The following ST8SIA2 variants were observed in gnomAD, a reference collection of about 807,000 sequenced individuals.
ST8SIA2 encodes the protein alpha-2,8-sialyltransferase 8B.
Under a neutral mutation model 37.6 loss-of-function variants are expected in ST8SIA2, and 22 were observed. That is an observed-to-expected ratio of 0.58 (90% CI 0.42 to 0.83). ST8SIA2 has a LOEUF of 0.83. Ranked by LOEUF, ST8SIA2 falls within the 40% of genes least tolerant of loss-of-function variation. The pLI is 0.00. For synonymous variants in ST8SIA2, 205 were observed against 201.2 expected (o/e 1.02, Z -0.16); for missense variants, 382 against 484.7 (o/e 0.79, Z 1.99).
chr15:92,459,118 T>G (rs2049940334), intron 5 of ST8SIA2, among the ~76,000 whole-genome samples: 1 of 152,188 alleles, frequency 6.6e-6, no homozygotes, highest in African/African-American at 2.4e-5. Context: ...CTGATTCGAT[T>G]CCTCTCTCCC....
intron 1 of ST8SIA2, among the ~76,000 whole-genome samples, chr15:92,406,334 G>C (rs1234646261): frequency 6.6e-6 from 1 of 152,212 alleles, no homozygotes; most frequent in Non-Finnish European, 1.5e-5. Context: ...ACAGGTTCCA[G>C]GTGATGCTGA....
At chr15:92,421,973 C>G (rs973658735) in intron 1 of ST8SIA2, among the ~76,000 whole-genome samples, 1 of 152,210 alleles carries the variant, frequency 6.6e-6, no homozygotes, top group Non-Finnish European at 1.5e-5. Flanking sequence ...AAAACGTGGT[C>G]TCAATTATGA....
rs1036552617 is a variant in ST8SIA2 at position 92,440,651 on chromosome 15, C to T, written c.548+2041C>T. Among the ~76,000 whole-genome samples, 18 of 152,166 alleles carry T rather than the reference C, an allele frequency of 1.2e-4. 1 individual carries two copies. The highest frequency in any genetic ancestry group is 3.1e-4 in the African/African-American group (13 of 41,432). On this transcript the variant is annotated intron_variant, in intron 4 of 5. Transcript: ENST00000268164. ...GTTTTAGGACAAGATTATGCAGCCCCACTGGGTACAGACTTACGTTTGACA... is the reference window on the plus strand; with the variant it reads ...GTTTTAGGACAAGATTATGCAGCCCTACTGGGTACAGACTTACGTTTGACA...
intron 1 of ST8SIA2, among the ~76,000 whole-genome samples, chr15:92,403,357 A>G (rs1215348697): frequency 6.6e-6 from 1 of 152,034 alleles, no homozygotes; most frequent in Non-Finnish European, 1.5e-5. Context: ...TGGGCCTCCT[A>G]CACTTTATCC....
Position 92,447,093 on chromosome 15 carries a change from G to T in ST8SIA2, c.842+2164G>T, listed in dbSNP as rs138638456. On this transcript the variant is annotated intron_variant, in intron 5 of 5. Coordinates refer to ENST00000268164, the MANE Select transcript of ST8SIA2 (RefSeq NM_006011.4). ...GGAAGCTGCTGCAATAGCTCTGGCA[G>T]GAAATAATGATGGCTTAGGCTAGGA... 1.2e-4 allele frequency among the ~76,000 whole-genome samples: 19 copies of T among 152,312 alleles called. No individual in the cohort carries two copies. The East Asian group carries it at 3.7e-3, about 29-fold the overall frequency.
At chr15:92,464,072 C>T (rs28632770) in intron 5 of ST8SIA2, 28 bp from the exon 6 acceptor site, 146 of 1,273,710 alleles carry the variant, frequency 1.1e-4, no homozygotes, top group Middle Eastern at 5.5e-4. Flanking sequence ...TGTTTCTTTT[C>T]TTTTTTTTTT....
chr15:92,406,934 C>T (rs1315112813), intron 1 of ST8SIA2, among the ~76,000 whole-genome samples: 1 of 145,576 alleles, frequency 6.9e-6, no homozygotes, highest in Non-Finnish European at 1.5e-5. Flanking sequence ...GCGGAGGTTG[C>T]AGTGAGTCAA....
intron 1 of ST8SIA2, among the ~76,000 whole-genome samples, chr15:92,394,987 T>G (rs952213732): frequency 6.6e-6 from 1 of 152,020 alleles, no homozygotes; most frequent in Non-Finnish European, 1.5e-5. Context: ...CGAGCCCGGA[T>G]CCTCCCGGCT....
intron 1 of ST8SIA2, among the ~76,000 whole-genome samples, chr15:92,398,707 G>A (rs2049449748): frequency 6.6e-6 from 1 of 152,208 alleles, no homozygotes; most frequent in Admixed American, 6.5e-5. Context: ...GAGGCCTGGA[G>A]AGGTTGTATA....
At chr15:92,406,304 C>T (rs577581281) in intron 1 of ST8SIA2, among the ~76,000 whole-genome samples, 2 of 152,310 alleles carry the variant, frequency 1.3e-5, no homozygotes, top group East Asian at 3.9e-4. Flanking sequence ...TGGGGCAGGG[C>T]CTGAGAATTT....
intron 2 of ST8SIA2, among the ~76,000 whole-genome samples, chr15:92,432,639 G>T (rs2049724028): frequency 1.3e-5 from 2 of 152,186 alleles, no homozygotes; most frequent in Admixed American, 1.3e-4. Flanking sequence ...GCTCCCTTAA[G>T]CCTGCATGCT....
At chr15:92,407,052 T>G (rs577655696) in intron 1 of ST8SIA2, among the ~76,000 whole-genome samples, 25 of 151,920 alleles carry the variant, frequency 1.6e-4, no homozygotes, top group African/African-American at 6.0e-4. Context: ...GAATAATGAT[T>G]CTTATTACAG....
chr15:92,423,694 G>T (rs2049653744), intron 1 of ST8SIA2, among the ~76,000 whole-genome samples: 1 of 152,216 alleles, frequency 6.6e-6, no homozygotes, highest in Non-Finnish European at 1.5e-5. Flanking sequence ...CTTTATAGTG[G>T]CATTAACCCA....
At chr15:92,447,500 G>A (rs2049850629) in intron 5 of ST8SIA2, among the ~76,000 whole-genome samples, 1 of 152,190 alleles carries the variant, frequency 6.6e-6, no homozygotes, top group Admixed American at 6.5e-5. Context: ...CACCAGGGAT[G>A]TGAGGGAGCC....
chr15:92,425,215 GA>G (rs1404988918), intron 1 of ST8SIA2, among the ~76,000 whole-genome samples: 1 of 152,144 alleles, frequency 6.6e-6, no homozygotes, highest in Non-Finnish European at 1.5e-5. Context: ...AACCTAATTA[GA>G]AAAAACAAAT....
intron 2 of ST8SIA2, among the ~76,000 whole-genome samples, chr15:92,431,189 C>T (rs968320608): frequency 2.6e-5 from 4 of 152,096 alleles, no homozygotes; most frequent in Admixed American, 1.3e-4. Context: ...TGCCCCATTT[C>T]GGAGAAAGAA....
intron 1 of ST8SIA2, chr15:92,422,698 C>G (rs1171076319): frequency 6.6e-6 from 1 of 152,656 alleles, no homozygotes; most frequent in African/African-American, 2.4e-5. Context: ...AGCACTTGGC[C>G]AAGTACAGCC....
At chr15:92,405,405 A>G (rs766396426) in intron 1 of ST8SIA2, among the ~76,000 whole-genome samples, 7 of 152,248 alleles carry the variant, frequency 4.6e-5, no homozygotes, top group Admixed American at 6.5e-5. Flanking sequence ...GATGGTAATG[A>G]TAGCTGCAGA....
Position 92,396,639 on chromosome 15 carries a change from ACC to A in ST8SIA2, c.98+2478_98+2479del, listed in dbSNP as rs1217152732. ...CTCCCGAGTAGCTGGGATTACAGGC[ACC>A]TGCCACCACACCAGGCTAATTTTTG... On this transcript the variant is annotated intron_variant, in intron 1 of 5. Transcript: ENST00000268164. 7.8e-3 allele frequency among the ~76,000 whole-genome samples: 1,189 copies of A among 151,952 alleles called. 10 individuals carry two copies. The highest frequency in any genetic ancestry group is 0.027 in the African/African-American group (1,132 of 41,436).
Sources: allele counts gnomAD v4.1 joint callset (sites outside exome capture counted in the v4.1 genomes callset), GRCh38; gene constraint gnomAD v4.1.1; transcripts MANE v1.5; gene names NCBI Gene and HGNC (gene_info 2026-07-23, HGNC 2026-07-21).